EPHA4: variants seen among roughly 807,000 people sequenced by gnomAD.
EPHA4 encodes ephrin type-A receptor 4.
A neutral mutation model predicts 108.3 loss-of-function variants in EPHA4; 19 were observed. The observed-to-expected ratio is 0.18, with a 90% CI of 0.12 to 0.26. The LOEUF (loss-of-function observed/expected upper bound fraction) is 0.26, where lower values mean the gene tolerates loss of function less well. Among genes scored for constraint, EPHA4 ranks in the 10% least tolerant of loss-of-function variants. EPHA4 has a pLI of 1.00. For synonymous variants in EPHA4, 449 were observed against 455.5 expected (o/e 0.99, Z 0.18); for missense variants, 917 against 1,254.0 (o/e 0.73, Z 4.06).
chr2:221,568,279 A>C (rs1299790836), intron 2 of EPHA4, among the ~76,000 whole-genome samples: 2 of 152,228 alleles, frequency 1.3e-5, no homozygotes, highest in African/African-American at 2.4e-5. Context: ...CCTGCAGTTC[A>C]TGCAGGTACA....
intron 11 of EPHA4, 120 bp from the exon 12 acceptor site, chr2:221,437,242 A>C: frequency 1.5e-6 from 1 of 683,790 alleles, no homozygotes; most frequent in South Asian, 1.9e-5. Flanking sequence ...AATTTAATTA[A>C]AACAAGCCAA....
chr2:221,523,957 T>G (rs1382918438), intron 3 of EPHA4, among the ~76,000 whole-genome samples: 4 of 151,852 alleles, frequency 2.6e-5, no homozygotes, highest in Non-Finnish European at 5.9e-5. Context: ...TTTTGTTAAA[T>G]TGATGGAAAA....
intron 2 of EPHA4, among the ~76,000 whole-genome samples, chr2:221,568,337 A>G (rs1346313442): frequency 6.6e-6 from 1 of 151,716 alleles, no homozygotes; most frequent in Non-Finnish European, 1.5e-5. Context: ...TTTTTTTTTC[A>G]TCTGGAAGCA....
intron 5 of EPHA4, among the ~76,000 whole-genome samples, chr2:221,471,751 G>GTACAA (rs1559255503): frequency 6.6e-6 from 1 of 152,132 alleles, no homozygotes; most frequent in African/African-American, 2.4e-5. Context: ...GTATTGGAGT[G>GTACAA]TACAATGAAG....
At position 221,501,075 on chromosome 2, in the gene EPHA4, G is replaced by A. The variant is rs761355858; in HGVS notation, c.921C>T (p.Cys307=). The A allele has an allele frequency of 1.9e-6, 3 of 1,613,608 alleles. No individual in the cohort carries two copies. The highest frequency in any genetic ancestry group is 1.1e-5 in the South Asian group (1 of 90,994). ...CTCTGAAAAAGCCTCGGTCACAGGT[G>A]CACGAGGTGGCTCCTTCCCAGACAG... is the stretch of plus-strand genomic sequence containing the variant. The part of the protein sequence containing the change: ...SYSVWEGATS[C]TCDRGFFRAD... The change falls in exon 4 of 18, where the codon TGC becomes TGT. Residue 307 remains cysteine (C), a synonymous_variant. Coordinates refer to ENST00000281821, the MANE Select transcript of EPHA4 (RefSeq NM_004438.5).
intron 3 of EPHA4, among the ~76,000 whole-genome samples, chr2:221,524,984 T>C (rs1340136067): frequency 2.6e-5 from 4 of 152,086 alleles, no homozygotes; most frequent in African/African-American, 9.7e-5. Flanking sequence ...GAAGGAGTGC[T>C]GGAGAGAGAA....
intron 3 of EPHA4, among the ~76,000 whole-genome samples, chr2:221,549,968 G>T (rs759092488): frequency 6.6e-6 from 1 of 152,192 alleles, no homozygotes; most frequent in Non-Finnish European, 1.5e-5. Flanking sequence ...GCAGCAGAGT[G>T]AGACTCCATC....
chr2:221,478,305 C>T (rs777871269), intron 5 of EPHA4, among the ~76,000 whole-genome samples: 2 of 152,188 alleles, frequency 1.3e-5, no homozygotes, highest in Non-Finnish European at 2.9e-5. Flanking sequence ...GTGACACATC[C>T]TGTATTCATT....
At chr2:221,535,709 C>T (rs554885104) in intron 3 of EPHA4, among the ~76,000 whole-genome samples, 1 of 152,246 alleles carries the variant, frequency 6.6e-6, no homozygotes, top group South Asian at 2.1e-4. Context: ...TCTTCTTCTT[C>T]TATGCCTAAA....
At chr2:221,552,664 C>T (rs926743110) in intron 3 of EPHA4, among the ~76,000 whole-genome samples, 2 of 152,144 alleles carry the variant, frequency 1.3e-5, no homozygotes, top group African/African-American at 2.4e-5. Flanking sequence ...CTTTTTTAAA[C>T]ACTTAAATCT....
chr2:221,426,166 G>T, intron 16 of EPHA4, 24 bp from the exon 17 acceptor site: 1 of 1,598,464 alleles, frequency 6.3e-7, no homozygotes, highest in Non-Finnish European at 8.6e-7. Context: ...GACAAAAAAG[G>T]GACAGAAGAA....
chr2:221,505,150 A>G (rs7575433), intron 3 of EPHA4, among the ~76,000 whole-genome samples: 111,265 of 152,000 alleles, frequency 0.73, 41,361 homozygotes, highest in East Asian at 1. Flanking sequence ...CACTTGAGAT[A>G]TGGCCGGTCA....
intron 4 of EPHA4, among the ~76,000 whole-genome samples, chr2:221,490,727 C>G (rs1692115876): frequency 6.6e-6 from 1 of 152,196 alleles, no homozygotes; most frequent in Non-Finnish European, 1.5e-5. Context: ...AGCTGAAAGA[C>G]AGGTTATAAG....
chr2:221,505,758 A>G (rs576798386), intron 3 of EPHA4, among the ~76,000 whole-genome samples: 3 of 152,304 alleles, frequency 2.0e-5, no homozygotes, highest in Non-Finnish European at 2.9e-5. Context: ...GTGCACACAC[A>G]TGCTACTCTT....
At position 221,443,497 on chromosome 2, in the gene EPHA4, T is replaced by C. The variant is rs761746099; in HGVS notation, c.1884A>G (p.Gly628=). The C allele has an allele frequency of 6.2e-7, 1 of 1,612,252 alleles. No homozygotes were observed. The highest frequency in any genetic ancestry group is 1.1e-5 in the South Asian group (1 of 90,932). Residue 628 remains glycine, a synonymous_variant, in exon 10 of 18, where the codon GGA becomes GGG. Transcript: ENST00000281821. ...GACGGACACTCAGACACTTACCAACTCCTATAACTTTTTCAATCTTAATGC... is the reference window on the plus strand; with the variant it reads ...GACGGACACTCAGACACTTACCAACCCCTATAACTTTTTCAATCTTAATGC... ...ASCIKIEKVI[G]VGEFGEVCSG... is the part of the protein sequence containing the mutation.
intron 3 of EPHA4, among the ~76,000 whole-genome samples, chr2:221,548,906 G>A (rs116234903): frequency 0.019 from 2,890 of 152,246 alleles, 50 homozygotes; most frequent in Non-Finnish European, 0.028. Flanking sequence ...GTTTTGGCCT[G>A]TCAAAATGAC....
intron 3 of EPHA4, among the ~76,000 whole-genome samples, chr2:221,502,008 G>A (rs62180590): frequency 0.13 from 19,666 of 151,748 alleles, 1,635 homozygotes; most frequent in East Asian, 0.26. Context: ...CACACCTCCC[G>A]AGAGCCTGGT....
rs182046685 is a variant in EPHA4 at position 221,445,458 on chromosome 2, C to T, written c.1774+665G>A. 5.9e-3 allele frequency among the ~76,000 whole-genome samples: 895 copies of T among 151,842 alleles called. 38 individuals are homozygous for T. Among genetic ancestry groups the T allele is most frequent in the Admixed American group, 0.053 (808 of 15,244 alleles). ...CAAAAAAATTAGCCGGGGGTCGTGG[C>T]GGGTGCCTGTAATCCCAGCTACTCA... On this transcript the variant is annotated intron_variant, in intron 9 of 17. Transcript: ENST00000281821.
intron 3 of EPHA4, among the ~76,000 whole-genome samples, chr2:221,501,677 G>C (rs1385966276): frequency 2.6e-5 from 4 of 152,148 alleles, no homozygotes; most frequent in African/African-American, 4.8e-5. Context: ...TGGAATTTCA[G>C]AGTGTAGCCT....
Sources: allele counts gnomAD v4.1 joint callset (sites outside exome capture counted in the v4.1 genomes callset), GRCh38; gene constraint gnomAD v4.1.1; transcripts MANE v1.5; gene names NCBI Gene and HGNC (gene_info 2026-07-23, HGNC 2026-07-21).